The following NBAS variants were observed in gnomAD, a reference collection of about 807,000 sequenced individuals.
The protein encoded by NBAS is NAG/BC035112 fusion.
A neutral mutation model predicts 302.5 loss-of-function variants in NBAS; 219 were observed. The ratio of observed to expected loss-of-function variants is 0.72; its 90% CI spans 0.65 to 0.81. NBAS has a LOEUF of 0.81. NBAS is among the 30% of genes least tolerant of loss of function. The pLI, the probability that NBAS is intolerant of heterozygous loss-of-function variation, is 0.00. For missense variants in NBAS, 2,932 were observed against 2,841.6 expected (o/e 1.03, Z -0.72); for synonymous variants, 1,118 against 1,021.6 (o/e 1.09, Z -1.80).
chr2:15,234,719 T>A lies in NBAS; in HGVS notation c.5972A>T (p.Tyr1991Phe). 1 of 1,614,164 alleles carries A rather than the reference T, an allele frequency of 6.2e-7. No homozygotes were observed. Among genetic ancestry groups the A allele is most frequent in the Non-Finnish European group, 8.5e-7 (1 of 1,180,000 alleles). The change falls in exon 46 of 52, where the codon TAT becomes TTT. Residue 1991 changes from tyrosine (Y) to phenylalanine (F), a missense_variant. Coordinates refer to ENST00000281513, the MANE Select transcript of NBAS (RefSeq NM_015909.4). ...QETLQKYSHL[Y>F]DLSRSEKEKL... ...CTCTTTTTCTGATCGGGACAGATCATAGAGGTGACTGTATTTTTGCAGTGT... is the reference window on the plus strand; with the variant it reads ...CTCTTTTTCTGATCGGGACAGATCAAAGAGGTGACTGTATTTTTGCAGTGT...
the NBAS span, among the ~76,000 whole-genome samples, chr2:15,113,785 C>T: frequency 6.6e-6 from 1 of 151,764 alleles, no homozygotes; most frequent in South Asian, 2.1e-4. Context: ...AAACAAACTG[C>T]ACCTCCAGGA....
intron 42 of NBAS, among the ~76,000 whole-genome samples, chr2:15,279,806 A>G (rs548903868): frequency 6.6e-6 from 1 of 152,208 alleles, no homozygotes; most frequent in Non-Finnish European, 1.5e-5. Context: ...CTAGTAATCA[A>G]TAGCTCATTT....
intron 39 of NBAS, 88 bp from the exon 40 acceptor site, chr2:15,308,441 A>AT (rs1357351807): frequency 3.3e-6 from 5 of 1,518,934 alleles, no homozygotes; most frequent in Admixed American, 2.0e-5. Context: ...ATTCCTGCAG[A>AT]TTTTTTGTAC....
chr2:15,520,067 G>C (rs1662588669), intron 9 of NBAS, among the ~76,000 whole-genome samples: 1 of 152,096 alleles, frequency 6.6e-6, no homozygotes, highest in South Asian at 2.1e-4. Flanking sequence ...GTGGTACTCG[G>C]CTATAATTTT....
At chr2:15,403,346 C>A (rs1424275066) in intron 25 of NBAS, among the ~76,000 whole-genome samples, 1 of 152,278 alleles carries the variant, frequency 6.6e-6, no homozygotes, top group Non-Finnish European at 1.5e-5. Context: ...GATTTATATA[C>A]ATTTCTTCAA....
intron 32 of NBAS, among the ~76,000 whole-genome samples, chr2:15,361,048 A>G (rs1673895118): frequency 6.6e-6 from 1 of 152,246 alleles, no homozygotes; most frequent in Non-Finnish European, 1.5e-5. Context: ...GGAGGTTTAC[A>G]TCTCCATCAC....
chr2:14,802,317 A>G, the NBAS span, among the ~76,000 whole-genome samples: 2 of 149,086 alleles, frequency 1.3e-5, no homozygotes, highest in Admixed American at 1.3e-4. Flanking sequence ...AGGTTTGTCA[A>G]AGATCAGATA....
intron 21 of NBAS, among the ~76,000 whole-genome samples, chr2:15,444,967 A>G (rs1283015802): frequency 2.9e-4 from 43 of 149,352 alleles, no homozygotes; most frequent in African/African-American, 1.0e-3. Context: ...ACCATCTCAC[A>G]CCAGTTAGAG....
At chr2:14,985,166 A>C in the NBAS span, among the ~76,000 whole-genome samples, 12 of 152,328 alleles carry the variant, frequency 7.9e-5, no homozygotes, top group African/African-American at 2.4e-4. Flanking sequence ...TATTTGCAGA[A>C]CACTATTGTT....
intron 11 of NBAS, among the ~76,000 whole-genome samples, chr2:15,498,238 G>C (rs562976538): frequency 2.0e-5 from 3 of 152,272 alleles, no homozygotes; most frequent in African/African-American, 7.2e-5. Flanking sequence ...ACAGATGCTA[G>C]AGTTCCACTT....
intron 3 of NBAS, among the ~76,000 whole-genome samples, chr2:15,555,032 T>A (rs1664584212): frequency 6.6e-6 from 1 of 151,820 alleles, no homozygotes; most frequent in South Asian, 2.1e-4. Flanking sequence ...ATAAAGAACA[T>A]AATTTCATGA....
intron 48 of NBAS, among the ~76,000 whole-genome samples, chr2:15,207,575 CA>C (rs1197065856): frequency 6.6e-6 from 1 of 152,148 alleles, no homozygotes; most frequent in Admixed American, 6.5e-5. Context: ...AATTGCAACT[CA>C]AATTGTAATC....
chr2:15,332,261 T>C (rs1672387824), intron 35 of NBAS, among the ~76,000 whole-genome samples: 1 of 152,192 alleles, frequency 6.6e-6, no homozygotes, highest in South Asian at 2.1e-4. Flanking sequence ...ATTTTGGCCT[T>C]GTGTGGCTCT....
At chr2:15,104,402 C>T in the NBAS span, among the ~76,000 whole-genome samples, 1 of 152,114 alleles carries the variant, frequency 6.6e-6, no homozygotes, top group Non-Finnish European at 1.5e-5. Context: ...GTCCATATAA[C>T]TTGTATTCAG....
the NBAS span, among the ~76,000 whole-genome samples, chr2:15,073,484 A>AT: frequency 5.0e-5 from 7 of 141,220 alleles, no homozygotes; most frequent in African/African-American, 2.0e-4. Context: ...CTCAAAAAAA[A>AT]AAAAAAATAA....
chr2:15,133,700 A>T, the NBAS span, among the ~76,000 whole-genome samples: 4 of 152,204 alleles, frequency 2.6e-5, no homozygotes, highest in East Asian at 7.7e-4. Flanking sequence ...GTTACAAAAC[A>T]ATGTGGCTAG....
chr2:15,182,311 C>T (rs1289642056), intron 50 of NBAS, among the ~76,000 whole-genome samples: 1 of 152,230 alleles, frequency 6.6e-6, no homozygotes, highest in Admixed American at 6.5e-5. Flanking sequence ...CATTTAATTT[C>T]TCCTCAAATC....
At chr2:15,385,421 T>C (rs887068621) in intron 28 of NBAS, among the ~76,000 whole-genome samples, 1 of 152,236 alleles carries the variant, frequency 6.6e-6, no homozygotes, top group Non-Finnish European at 1.5e-5. Context: ...ATGGTACTAA[T>C]GTTTTCTCGC....
the NBAS span, among the ~76,000 whole-genome samples, chr2:15,110,379 T>A: frequency 6.6e-6 from 1 of 152,184 alleles, no homozygotes; most frequent in East Asian, 1.9e-4. Context: ...GCAAGATAAT[T>A]TATTATTTCA....
Sources: allele counts gnomAD v4.1 joint callset (sites outside exome capture counted in the v4.1 genomes callset), GRCh38; gene constraint gnomAD v4.1.1; transcripts MANE v1.5; gene names NCBI Gene and HGNC (gene_info 2026-07-23, HGNC 2026-07-21).